SPAG16: variants seen among roughly 807,000 people sequenced by gnomAD.
SPAG16 encodes the protein sperm associated antigen 16.
In SPAG16, 86 loss-of-function variants were observed where a neutral mutation model predicts 80.4. The observed-to-expected ratio is 1.07, with a 90% CI of 0.90 to 1.28. SPAG16 has a LOEUF of 1.28. Ranked by LOEUF, SPAG16 falls within the 50% of genes most tolerant of loss-of-function variation. The pLI, the probability that SPAG16 is intolerant of heterozygous loss-of-function variation, is 0.00. For synonymous variants in SPAG16, 294 were observed against 265.9 expected, an observed-to-expected ratio of 1.11 and a Z score of -1.03; for missense variants, 870 against 765.3, an observed-to-expected ratio of 1.14 and a Z score of -1.61.
intron 12 of SPAG16, among the ~76,000 whole-genome samples, chr2:214,012,288 A>ATTTTTTTTTTTTTTT (rs778689045): frequency 2.4e-4 from 11 of 46,806 alleles, no homozygotes; most frequent in South Asian, 2.0e-3. Context: ...ATATATATAT[A>ATTTTTTTTTTTTTTT]TTTTTTTTTT....
At chr2:213,792,171 C>A (rs1285439544) in intron 10 of SPAG16, among the ~76,000 whole-genome samples, 1 of 152,150 alleles carries the variant, frequency 6.6e-6, no homozygotes, top group Non-Finnish European at 1.5e-5. Context: ...GAAGTAAGAA[C>A]TACTTTGCAA....
chr2:213,977,120 G>T (rs1025332617), intron 12 of SPAG16, among the ~76,000 whole-genome samples: 1 of 151,976 alleles, frequency 6.6e-6, no homozygotes, highest in African/African-American at 2.4e-5. Flanking sequence ...AGGGGGATAT[G>T]GGAGGGAACC....
intron 10 of SPAG16, among the ~76,000 whole-genome samples, chr2:213,759,699 A>G (rs2068544003): frequency 6.6e-6 from 1 of 152,176 alleles, no homozygotes; most frequent in Admixed American, 6.5e-5. Context: ...AATATAAAAG[A>G]TAGTAATGCA....
At chr2:213,590,435 C>T (rs1574411434) in intron 10 of SPAG16, among the ~76,000 whole-genome samples, 1 of 142,514 alleles carries the variant, frequency 7.0e-6, no homozygotes, top group Middle Eastern at 3.6e-3. Context: ...AGAACTTCAA[C>T]AAAACAACAA....
intron 10 of SPAG16, among the ~76,000 whole-genome samples, chr2:213,726,202 G>C (rs560831453): frequency 6.6e-6 from 1 of 152,284 alleles, no homozygotes; most frequent in Admixed American, 6.5e-5. Flanking sequence ...CCCTCAGTCG[G>C]TGACTGGCAG....
chr2:213,598,686 AT>A (rs1479207497), intron 10 of SPAG16, among the ~76,000 whole-genome samples: 2 of 152,246 alleles, frequency 1.3e-5, no homozygotes, highest in Non-Finnish European at 2.9e-5. Flanking sequence ...CTCAAATTAA[AT>A]AATAAAATTG....
At chr2:213,836,981 A>G (rs972750946) in intron 10 of SPAG16, among the ~76,000 whole-genome samples, 2 of 152,124 alleles carry the variant, frequency 1.3e-5, no homozygotes, top group African/African-American at 2.4e-5. Context: ...AAATAAAACA[A>G]AACAAACATG....
At chr2:214,299,973 CTTTATAAGTCAACTTTAATTT>C (rs1456517432) in intron 15 of SPAG16, among the ~76,000 whole-genome samples, 2 of 152,096 alleles carry the variant, frequency 1.3e-5, no homozygotes, top group Non-Finnish European at 2.9e-5. Context: ...CTTTTATCAA[CTTTATAAGTCAACTTTAATTT>C]TTTAAAGTAG....
At chr2:213,727,870 C>T (rs941503125) in intron 10 of SPAG16, among the ~76,000 whole-genome samples, 8 of 151,840 alleles carry the variant, frequency 5.3e-5, no homozygotes, top group South Asian at 2.1e-4. Context: ...TATTTTGAGA[C>T]GGAATTTCAC....
chr2:213,728,301 C>T (rs1466791097), intron 10 of SPAG16, among the ~76,000 whole-genome samples: 3 of 152,170 alleles, frequency 2.0e-5, no homozygotes, highest in African/African-American at 7.2e-5. Context: ...CTTAGAGTCT[C>T]AGCCCCCAGA....
intron 10 of SPAG16, among the ~76,000 whole-genome samples, chr2:213,808,033 C>T (rs1198308378): frequency 6.6e-6 from 1 of 151,866 alleles, no homozygotes; most frequent in Non-Finnish European, 1.5e-5. Flanking sequence ...TCAAGAAACA[C>T]GGAAAGAATG....
intron 15 of SPAG16, among the ~76,000 whole-genome samples, chr2:214,227,833 G>A (rs562793933): frequency 6.6e-6 from 1 of 151,728 alleles, no homozygotes; most frequent in East Asian, 1.9e-4. Flanking sequence ...TAGAGTAGGA[G>A]CTAAGAATAA....
At chr2:213,789,404 C>T (rs1169500540) in intron 10 of SPAG16, among the ~76,000 whole-genome samples, 2 of 151,872 alleles carry the variant, frequency 1.3e-5, no homozygotes, top group Admixed American at 1.3e-4. Flanking sequence ...AATAGTTATG[C>T]TCATTTAAAA....
intron 10 of SPAG16, among the ~76,000 whole-genome samples, chr2:213,838,412 A>G (rs570441792): frequency 2.0e-5 from 3 of 152,242 alleles, no homozygotes; most frequent in East Asian, 3.9e-4. Flanking sequence ...ACCTCAGGTA[A>G]TCCATCCGCC....
intron 9 of SPAG16, among the ~76,000 whole-genome samples, chr2:213,426,897 T>G (rs2125461824): frequency 6.7e-6 from 1 of 149,734 alleles, no homozygotes; most frequent in Non-Finnish European, 1.5e-5. Context: ...CTACACTCTA[T>G]AGGATCCTTT....
chr2:213,999,646 C>G (rs2046694025), intron 12 of SPAG16, among the ~76,000 whole-genome samples: 3 of 152,322 alleles, frequency 2.0e-5, no homozygotes, highest in East Asian at 1.9e-4. Context: ...GAAGCTTGCA[C>G]TGTTTGCCTG....
At chr2:213,999,174 A>G (rs1427044608) in intron 12 of SPAG16, among the ~76,000 whole-genome samples, 1 of 151,674 alleles carries the variant, frequency 6.6e-6, no homozygotes, top group African/African-American at 2.4e-5. Flanking sequence ...TCTTCACGGC[A>G]GCCCCTCCCA....
intron 14 of SPAG16, among the ~76,000 whole-genome samples, chr2:214,137,231 G>A (rs2055102727): frequency 6.6e-6 from 1 of 151,918 alleles, no homozygotes; most frequent in South Asian, 2.1e-4. Context: ...TATGCTTTGT[G>A]TATACATACA....
intron 15 of SPAG16, chr2:214,238,091 C>T: frequency 5.8e-6 from 2 of 345,886 alleles, no homozygotes; most frequent in South Asian, 2.3e-5. Flanking sequence ...ATTTTTTATT[C>T]CATTAACAAC....
Sources: allele counts gnomAD v4.1 joint callset (sites outside exome capture counted in the v4.1 genomes callset), GRCh38; gene constraint gnomAD v4.1.1; transcripts MANE v1.5; gene names NCBI Gene and HGNC (gene_info 2026-07-23, HGNC 2026-07-21).